Variants in GRB2 observed in about 807,000 individuals in gnomAD.
GRB2 encodes the protein growth factor receptor-bound protein 2.
Under a neutral mutation model 27.4 loss-of-function variants are expected in GRB2, and 2 were observed. That is an observed-to-expected ratio of 0.07 (90% CI 0.03 to 0.23). The LOEUF (loss-of-function observed/expected upper bound fraction) is 0.23, where lower values mean the gene tolerates loss of function less well. Among genes scored for constraint, GRB2 ranks in the 10% least tolerant of loss-of-function variants. The pLI is 1.00. For missense variants in GRB2, 102 were observed against 282.4 expected (o/e 0.36, Z 4.58); for synonymous variants, 94 against 99.6 (o/e 0.94, Z 0.33).
chr17:75,353,549 T>A (rs937635164), intron 2 of GRB2, among the ~76,000 whole-genome samples: 9 of 147,080 alleles, frequency 6.1e-5, no homozygotes, highest in African/African-American at 1.8e-4. Flanking sequence ...GATCATGAGG[T>A]CAGGGGTTCA....
chr17:75,377,094 A>T (rs1253451142), intron 2 of GRB2, among the ~76,000 whole-genome samples: 2 of 151,592 alleles, frequency 1.3e-5, no homozygotes, highest in Non-Finnish European at 2.9e-5. Flanking sequence ...AGATGGGAGG[A>T]TCACTCGAGA....
At chr17:75,405,439 C>CA (rs1469724801) in intron 1 of GRB2, 50 bp downstream of exon 1, 1 of 152,332 alleles carries the variant, frequency 6.6e-6, no homozygotes, top group Non-Finnish European at 1.5e-5. Flanking sequence ...GCTGTAGAGC[C>CA]AAGAGGAAAA....
intron 2 of GRB2, among the ~76,000 whole-genome samples, chr17:75,347,066 C>G (rs2145837372): frequency 6.6e-6 from 1 of 152,236 alleles, no homozygotes; most frequent in South Asian, 2.1e-4. Flanking sequence ...TTTCCTTCTC[C>G]AGGTTTGGGC....
chr17:75,400,097 A>T (rs1209096741), intron 1 of GRB2, among the ~76,000 whole-genome samples: 3 of 151,974 alleles, frequency 2.0e-5, no homozygotes, highest in Admixed American at 1.3e-4. Flanking sequence ...TCCCAGGCTC[A>T]GGCCATCCTC....
intron 2 of GRB2, among the ~76,000 whole-genome samples, chr17:75,382,479 C>T (rs1432702707): frequency 6.6e-6 from 1 of 152,164 alleles, no homozygotes; most frequent in African/African-American, 2.4e-5. Context: ...CCCTAAATCT[C>T]AAAATCCAAA....
chr17:75,366,596 CA>C (rs1264258424), intron 2 of GRB2, among the ~76,000 whole-genome samples: 1 of 151,346 alleles, frequency 6.6e-6, no homozygotes, highest in Non-Finnish European at 1.5e-5. Context: ...CCCAGGAATT[CA>C]AAGCCAGCCT....
rs367938331 is a variant in GRB2, at chr17:75,320,972, G to T, written c.469-419C>A. Reference sequence around the variant, plus strand: ...TCGAATAACATAAGGGGCTCTAACCGTAACTTACGACCAGGGCTCGAGGGA... The same window carrying T: ...TCGAATAACATAAGGGGCTCTAACCTTAACTTACGACCAGGGCTCGAGGGA... On this transcript the variant is annotated intron_variant, in intron 5 of 5. Transcript: ENST00000316804. This position sits in a 1 kb window ranked among gnomAD's most constrained non-coding sequence, Gnocchi z 4.3. 6.6e-6 allele frequency among the ~76,000 whole-genome samples: 1 copy of T among 151,984 alleles called. No homozygotes were observed. Among genetic ancestry groups the T allele is most frequent in the Admixed American group, 6.6e-5 (1 of 15,238 alleles).
intron 4 of GRB2, among the ~76,000 whole-genome samples, chr17:75,323,362 T>C (rs2078473647): frequency 1.3e-5 from 2 of 152,094 alleles, no homozygotes; most frequent in African/African-American, 4.8e-5. Flanking sequence ...TTAGCAAGGG[T>C]ATATTCCACG....
intron 2 of GRB2, chr17:75,373,238 G>A (rs1353954141): frequency 6.6e-6 from 1 of 152,156 alleles, no homozygotes; most frequent in African/African-American, 2.4e-5. Flanking sequence ...CAGAGAGACT[G>A]TCTCAAAAAA....
intron 3 of GRB2, among the ~76,000 whole-genome samples, chr17:75,330,620 G>A (rs957401775): frequency 6.6e-6 from 1 of 151,950 alleles, no homozygotes; most frequent in Admixed American, 6.6e-5. Context: ...GTTGCAGTGA[G>A]CTGAGATAGC....
At chr17:75,341,445 AT>A (rs1204180035) in intron 2 of GRB2, among the ~76,000 whole-genome samples, 42 of 46,522 alleles carry the variant, frequency 9.0e-4, no homozygotes, top group African/African-American at 1.7e-3. Context: ...GAGTGACTCC[AT>A]TAAAAAAAAA....
Position 75,321,817 on chromosome 17 carries a change from C to A in GRB2, c.310G>T (p.Asp104Tyr), listed in dbSNP as rs756413472. Reference sequence around the variant, plus strand: ...CGGAGCACCTTGAAGTGCTGCACATCGTTTCCAAACCTGGGAGGGACAGAA... The same window carrying A: ...CGGAGCACCTTGAAGTGCTGCACATAGTTTCCAAACCTGGGAGGGACAGAA... ...DFSLSVKFGNDVQHFKVLRDG... is the reference protein window; with the variant it reads ...DFSLSVKFGNYVQHFKVLRDG... The change falls in exon 5 of 6, where the codon GAT becomes TAT. Residue 104 changes from aspartate to tyrosine, a missense_variant. By Grantham distance (160) the Asp-to-Tyr change is radical. Around this residue, in one of 3 missense-constraint regions of GRB2, gnomAD observed 57 missense variants for 152.9 expected, o/e 0.37. Coordinates refer to ENST00000316804, the MANE Select transcript of GRB2 (RefSeq NM_002086.5). The A allele has an allele frequency of 6.2e-7, 1 of 1,613,842 alleles. No homozygotes were observed. Among genetic ancestry groups the A allele is most frequent in the Non-Finnish European group, 8.5e-7 (1 of 1,180,006 alleles).
intron 2 of GRB2, among the ~76,000 whole-genome samples, chr17:75,333,111 T>C: frequency 6.6e-6 from 1 of 152,096 alleles, no homozygotes; most frequent in Non-Finnish European, 1.5e-5. Context: ...AGTCTTGCTC[T>C]GTCGCCCAGG....
intron 4 of GRB2, among the ~76,000 whole-genome samples, chr17:75,325,201 C>T (rs946699002): frequency 6.6e-6 from 1 of 152,148 alleles, no homozygotes; most frequent in African/African-American, 2.4e-5. Context: ...TTATATATAA[C>T]TGATGAAGTG....
At chr17:75,323,790 C>A (rs1325106788) in intron 4 of GRB2, among the ~76,000 whole-genome samples, 1 of 151,018 alleles carries the variant, frequency 6.6e-6, no homozygotes, top group Non-Finnish European at 1.5e-5. Flanking sequence ...ACAGGTGTCA[C>A]ACATGTTTTT....
At chr17:75,349,921 C>T (rs974610912) in intron 2 of GRB2, among the ~76,000 whole-genome samples, 15 of 151,676 alleles carry the variant, frequency 9.9e-5, no homozygotes, top group African/African-American at 2.9e-4. Context: ...GGGATAGTAT[C>T]GGTGGGAATA....
intron 2 of GRB2, among the ~76,000 whole-genome samples, chr17:75,353,977 T>C (rs534910640): frequency 6.7e-6 from 1 of 148,988 alleles, no homozygotes; most frequent in South Asian, 2.2e-4. Flanking sequence ...GAGGCGGAGG[T>C]TGCAGTGAGC....
chr17:75,354,659 G>A (rs1387595839), intron 2 of GRB2, among the ~76,000 whole-genome samples: 1 of 152,076 alleles, frequency 6.6e-6, no homozygotes, highest in Non-Finnish European at 1.5e-5. Flanking sequence ...AAAAGGTTGG[G>A]GACTGCTGGA....
At chr17:75,387,800 AAAAAAAACAAAAC>A (rs1325344203) in intron 2 of GRB2, 1 of 151,760 alleles carries the variant, frequency 6.6e-6, no homozygotes, top group Non-Finnish European at 1.5e-5. Flanking sequence ...TTCGCCTAAA[AAAAAAAACAAAAC>A]AAAAAAACAA....
Sources: allele counts gnomAD v4.1 joint callset (sites outside exome capture counted in the v4.1 genomes callset), GRCh38; gene constraint gnomAD v4.1.1; regional missense constraint gnomAD v4.1.1; non-coding constraint Gnocchi (gnomAD v3.1); transcripts MANE v1.5; gene names NCBI Gene and HGNC (gene_info 2026-07-23, HGNC 2026-07-21).